LRIG2: variants seen among roughly 807,000 people sequenced by gnomAD.
LRIG2 encodes the protein leucine rich repeats and immunoglobulin like domains 2.
A neutral mutation model predicts 107.8 loss-of-function variants in LRIG2; 93 were observed. That is an observed-to-expected ratio of 0.86 (90% CI 0.73 to 1.03). The LOEUF (loss-of-function observed/expected upper bound fraction) is 1.03. Among genes scored for constraint, LRIG2 ranks in the 50% least tolerant of loss-of-function variants. The pLI is 0.00. For synonymous variants in LRIG2, 471 were observed against 470.6 expected, an observed-to-expected ratio of 1.00 and a Z score of -0.01; for missense variants, 1,226 against 1,296.0, an observed-to-expected ratio of 0.95 and a Z score of 0.83.
chr1:113,114,246 A>T (rs1040043464), intron 14 of LRIG2, among the ~76,000 whole-genome samples, 181 bp from the exon 15 acceptor site: 3 of 152,046 alleles, frequency 2.0e-5, no homozygotes, highest in Admixed American at 1.3e-4. Flanking sequence ...CTAAGCTGGA[A>T]TTATCGAGAA....
chr1:113,092,330 T>C (rs1469753128), intron 2 of LRIG2, among the ~76,000 whole-genome samples: 1 of 152,206 alleles, frequency 6.6e-6, no homozygotes, highest in Non-Finnish European at 1.5e-5. Context: ...GATTTGCTAC[T>C]AAAACATTTG....
intron 13 of LRIG2, among the ~76,000 whole-genome samples, chr1:113,110,773 G>T (rs1654742793): frequency 6.6e-6 from 1 of 152,150 alleles, no homozygotes; most frequent in Admixed American, 6.5e-5. Context: ...TGGTTGAAGG[G>T]TAAGTGCTGT....
chr1:113,076,052 C>T (rs1352602487), intron 1 of LRIG2, among the ~76,000 whole-genome samples: 2 of 151,026 alleles, frequency 1.3e-5, no homozygotes, highest in Non-Finnish European at 2.9e-5. Context: ...GTCACCCAGG[C>T]TGGAGTGCAG....
Position 113,116,384 on chromosome 1 carries a change from T to C in LRIG2, c.2628T>C (p.Ser876=). 6.2e-7 allele frequency: 1 copy of C among 1,613,948 alleles called. No individual in the cohort carries two copies. The highest frequency in any genetic ancestry group is 8.5e-7 in the Non-Finnish European group (1 of 1,179,900). ...GCTACAGCAACTCTGAGGCAGGCAG[T>C]CATCAGCAACTTATGCCTCCTGCCA... ...QEGYSNSEAG[S]HQQLMPPANG... is the part of the protein sequence containing the mutation. The change falls in exon 16 of 18, where the codon AGT becomes AGC. Residue 876 remains serine (S), a synonymous_variant. Transcript: ENST00000361127.
chr1:113,094,784 TA>T (rs1653978520), intron 6 of LRIG2, 29 bp downstream of exon 6: 5 of 1,601,838 alleles, frequency 3.1e-6, no homozygotes, highest in Non-Finnish European at 4.3e-6. Flanking sequence ...AGGTGATTAT[TA>T]GGAAAGTAGT....
intron 9 of LRIG2, among the ~76,000 whole-genome samples, chr1:113,099,179 C>T (rs1425472809): frequency 1.3e-5 from 2 of 151,738 alleles, no homozygotes; most frequent in East Asian, 1.9e-4. Context: ...TCGTGATCTG[C>T]CTGCTTCAGC....
rs767157307 is a variant in LRIG2 at position 113,073,631 on chromosome 1, C to A, written c.225C>A (p.Pro75=). 1.9e-6 allele frequency: 3 copies of A among 1,612,686 alleles called. No homozygotes were observed. Among genetic ancestry groups the A allele is most frequent in the Non-Finnish European group, 2.5e-6 (3 of 1,179,962 alleles). ...SWRALSGLLP[P]DTAILDFSHN... Reference sequence around the variant, plus strand: ...GGGCGCTGTCGGGCTTGCTGCCCCCCGACACCGCTATCCTGTGAGTAGAGC... The same window carrying A: ...GGGCGCTGTCGGGCTTGCTGCCCCCAGACACCGCTATCCTGTGAGTAGAGC... The change falls in exon 1 of 18, where the codon CCC becomes CCA. Residue 75 remains proline, a synonymous_variant. Coordinates refer to ENST00000361127, the MANE Select transcript of LRIG2 (RefSeq NM_014813.3).
In LRIG2 at chr1:113,094,323, A is replaced by G; in HGVS notation, c.516-16A>G. 2 of 1,582,710 alleles carry G rather than the reference A, an allele frequency of 1.3e-6. No individual in the cohort carries two copies. The highest frequency in any genetic ancestry group is 1.7e-6 in the Non-Finnish European group (2 of 1,169,034). ...TTACTAAATTTTTTCTTTTGCTATT[A>G]TCTTGTTTATTTTAGGAATTTAAGT... On this transcript the variant is annotated splice_polypyrimidine_tract_variant and intron_variant, in intron 4 of 17. Transcript: ENST00000361127.
chr1:113,073,907 G>A (rs1003757485), intron 1 of LRIG2, among the ~76,000 whole-genome samples: 1 of 149,006 alleles, frequency 6.7e-6, no homozygotes, highest in African/African-American at 2.5e-5. Flanking sequence ...AACTGGGGAG[G>A]AAATGGGGCG....
At chr1:113,092,218 T>G (rs775052461) in intron 2 of LRIG2, among the ~76,000 whole-genome samples, 2 of 152,224 alleles carry the variant, frequency 1.3e-5, no homozygotes, top group Non-Finnish European at 2.9e-5. Flanking sequence ...GTAACTTTGG[T>G]TGGTTTCCTG....
chr1:113,093,348 A>G (rs941317218), intron 3 of LRIG2, 68 bp downstream of exon 3: 143 of 1,560,786 alleles, frequency 9.2e-5, no homozygotes, highest in Admixed American at 3.8e-5. Context: ...TTTAAAGCAC[A>G]TATATTGTTG....
chr1:113,118,296 G>A (rs1655101849), intron 16 of LRIG2, among the ~76,000 whole-genome samples: 1 of 152,170 alleles, frequency 6.6e-6, no homozygotes, highest in Admixed American at 6.5e-5. Flanking sequence ...AGTTTTCAAA[G>A]CACATAATAA....
intron 11 of LRIG2, chr1:113,103,079 T>A (rs1654375220): frequency 6.6e-6 from 1 of 152,012 alleles, no homozygotes; most frequent in African/African-American, 2.4e-5. Flanking sequence ...CAGTTTAACA[T>A]AAAATTTAAA....
intron 14 of LRIG2, among the ~76,000 whole-genome samples, 175 bp from the exon 15 acceptor site, chr1:113,114,252 G>A (rs1436459580): frequency 6.6e-6 from 1 of 151,776 alleles, no homozygotes; most frequent in African/African-American, 2.4e-5. Context: ...TGGAATTATC[G>A]AGAAAAGATT....
chr1:113,106,493 T>C (rs1421854628), intron 11 of LRIG2, among the ~76,000 whole-genome samples: 1 of 152,096 alleles, frequency 6.6e-6, no homozygotes, highest in East Asian at 1.9e-4. Flanking sequence ...TGCACGGTGT[T>C]GAAGTGGGTT....
chr1:113,112,642 G>A lies in LRIG2; in HGVS notation c.1962G>A (p.Met654Ile). 6.2e-7 allele frequency: 1 copy of A among 1,614,158 alleles called. No homozygotes were observed. The highest frequency in any genetic ancestry group is 1.1e-5 in the South Asian group (1 of 91,080). Reference sequence around the variant, plus strand: ...CTCGAGAAAGACGCATGCACGTCATGCCCGAGGATGACGTCTTCTTTATTG... The same window carrying A: ...CTCGAGAAAGACGCATGCACGTCATACCCGAGGATGACGTCTTCTTTATTG... ...PAARERRMHV[M>I]PEDDVFFIAN... is the part of the protein sequence containing the mutation. The change falls in exon 14 of 18, where the codon ATG becomes ATA. Residue 654 changes from methionine to isoleucine, a missense_variant. Met to Ile is a conservative substitution (Grantham distance 10). Transcript: ENST00000361127.
At chr1:113,091,425 AG>A in intron 2 of LRIG2, 42 bp downstream of exon 2, 6 of 1,269,812 alleles carry the variant, frequency 4.7e-6, no homozygotes, top group Non-Finnish European at 6.7e-6. Flanking sequence ...TAAATTCCTG[AG>A]GGAACTTAAT....
At chr1:113,082,540 G>A (rs1156242164) in intron 1 of LRIG2, among the ~76,000 whole-genome samples, 8 of 152,208 alleles carry the variant, frequency 5.3e-5, no homozygotes, top group East Asian at 3.8e-4. Context: ...TTTTACTCGT[G>A]GCCAAAGGCA....
chr1:113,093,459 C>T lies in LRIG2; in HGVS notation c.410C>T (p.Ala137Val). The stretch of plus-strand genomic sequence containing the variant: ...CATAATATAATCCCAGAAATAAATG[C>T]ACAGGCACTCCAGTTTTACCCTGCT... Reference protein sequence around the residue: ...LVHNIIPEINAQALQFYPALE... With the variant: ...LVHNIIPEINVQALQFYPALE... Residue 137 changes from alanine (A) to valine (V), a missense_variant, in exon 4 of 18, where the codon GCA (alanine) becomes GTA (valine). Ala to Val is a moderately conservative substitution (Grantham distance 64). Coordinates refer to ENST00000361127, the MANE Select transcript of LRIG2 (RefSeq NM_014813.3). The T allele has an allele frequency of 6.2e-7, 1 of 1,613,626 alleles. No homozygotes were observed. The highest frequency in any genetic ancestry group is 1.1e-5 in the South Asian group (1 of 91,058).
Sources: gnomAD v4.1 joint callset for allele counts (sites outside exome capture counted in the v4.1 genomes callset) on GRCh38, gnomAD v4.1.1 for gene constraint, MANE v1.5 for transcripts, NCBI Gene and HGNC (gene_info 2026-07-23, HGNC 2026-07-21) for gene names.